BRPF3: variants seen among roughly 807,000 people sequenced by gnomAD.
BRPF3 encodes the protein bromodomain and PHD finger containing 3, also known as bromodomain and PHD finger-containing protein 3.
In BRPF3, 18 loss-of-function variants were observed where a neutral mutation model predicts 102.0. That is an observed-to-expected ratio of 0.18 (90% confidence interval 0.12 to 0.26). The LOEUF (loss-of-function observed/expected upper bound fraction) is 0.26. Among genes scored for constraint, BRPF3 ranks in the 10% least tolerant of loss-of-function variants. The pLI, the probability that BRPF3 is intolerant of heterozygous loss-of-function variation, is 1.00. For synonymous variants in BRPF3, 570 were observed against 614.2 expected (o/e 0.93, Z 1.06); for missense variants, 1,147 against 1,567.8 (o/e 0.73, Z 4.53).
intron 7 of BRPF3, among the ~76,000 whole-genome samples, chr6:36,212,572 GAA>G (rs1013260246): frequency 0.021 from 942 of 44,958 alleles, 5 homozygotes; most frequent in African/African-American, 0.052. Flanking sequence ...GCATCACCTA[GAA>G]AAAAAAAAAA....
rs763683553 is a variant in BRPF3 at position 36,211,414 on chromosome 6, G to A, written c.2336G>A (p.Arg779Gln). 6.8e-6 allele frequency: 11 copies of A among 1,612,978 alleles called. No individual in the cohort carries two copies. The highest frequency in any genetic ancestry group is 2.7e-5 in the African/African-American group (2 of 74,908). The change falls in exon 7 of 13, where the codon CGG (arginine) becomes CAG (glutamine). Residue 779 changes from arginine (R) to glutamine (Q), a missense_variant. Arg to Gln is a conservative substitution (Grantham distance 43). Coordinates refer to ENST00000357641, the MANE Select transcript of BRPF3 (RefSeq NM_015695.3). The part of the protein sequence containing the change: ...RLLRREINAL[R>Q]QKLAQPPPPQ... ...CTACGCCGGGAGATCAATGCCCTTC[G>A]GCAGAAGCTGGCACAGCCACCACCA...
intron 10 of BRPF3, among the ~76,000 whole-genome samples, chr6:36,222,587 G>A (rs1242524521): frequency 6.6e-6 from 1 of 152,150 alleles, no homozygotes; most frequent in Non-Finnish European, 1.5e-5. Flanking sequence ...CTTTCCAGAG[G>A]TAATCCATAT....
At position 36,204,655 on chromosome 6, in the gene BRPF3, A is replaced by G; in HGVS notation, c.1449-3A>G. On this transcript the variant is annotated splice_region_variant and splice_polypyrimidine_tract_variant and intron_variant, in intron 2 of 12. Transcript: ENST00000357641. ...CTTTCACTTCCGTGTGCCTCTACTC[A>G]AGGTTGAACAAGATCTGTAGTGGTC... is the stretch of plus-strand genomic sequence containing the variant. 2 of 1,614,154 alleles carry G rather than the reference A, an allele frequency of 1.2e-6. No individual in the cohort carries two copies. The highest frequency in any genetic ancestry group is 1.7e-6 in the Non-Finnish European group (2 of 1,180,012).
chr6:36,225,400 C>CAAGGCAAGGCAGGGGAGA, intron 11 of BRPF3, 36 bp downstream of exon 11: 1 of 1,572,604 alleles, frequency 6.4e-7, no homozygotes, highest in Non-Finnish European at 8.7e-7. Context: ...CCTATCTCCC[C>CAAGGCAAGGCAGGGGAGA]TGCCTTGCCT....
chr6:36,200,184 G>A lies in BRPF3; in HGVS notation c.-26-113G>A, dbSNP rs1409507511. Reference sequence around the variant, plus strand: ...AGCCATGTGGATGCCTGAGGGGCAAGTTGTTCAGACAGAGGGAAAAGCCAG... The same window carrying A: ...AGCCATGTGGATGCCTGAGGGGCAAATTGTTCAGACAGAGGGAAAAGCCAG... On this transcript the variant is annotated intron_variant, in intron 1 of 12. Transcript: ENST00000357641. The surrounding 1 kb of genome is among the most constrained non-coding windows in gnomAD (Gnocchi z 5.3). 2.6e-5 allele frequency: 35 copies of A among 1,324,368 alleles called. No homozygotes were observed. The highest frequency in any genetic ancestry group is 3.5e-5 in the Non-Finnish European group (35 of 1,004,010). 82.0% of individuals were successfully genotyped at this position (1,324,368 alleles called of 1,614,324 possible). A position where few individuals can be genotyped will look rare whatever the true frequency, so the allele number is the denominator to read the frequency against.
rs1175487011 is a variant in BRPF3, at chr6:36,231,948, A to T, written c.*1339A>T. The T allele has an allele frequency of 6.5e-6, 1 of 152,766 alleles. No homozygotes were observed. Among genetic ancestry groups the T allele is most frequent in the African/African-American group, 2.4e-5 (1 of 41,570 alleles). 9.5% of individuals were successfully genotyped at this position (152,766 alleles called of 1,614,324 possible). ...GGCCAGTTGCAGGCCGCTGATTGCC[A>T]TGTTGATTTTTAACCTGATATTCTT... On this transcript the variant is annotated 3_prime_UTR_variant, in exon 13 of 13. Transcript: ENST00000357641.
At chr6:36,198,515 CACTT>C (rs1239145811) in intron 1 of BRPF3, among the ~76,000 whole-genome samples, 1 of 152,194 alleles carries the variant, frequency 6.6e-6, no homozygotes, top group Non-Finnish European at 1.5e-5. Flanking sequence ...GTAGCGTTAT[CACTT>C]ACTAGCTTTA....
chr6:36,218,035 G>T, intron 9 of BRPF3, 25 bp downstream of exon 9: 3 of 1,595,500 alleles, frequency 1.9e-6, no homozygotes, highest in Non-Finnish European at 2.6e-6. Context: ...CCAAAGCTTT[G>T]TCAGCAGCTC....
chr6:36,228,862 GCCTC>G, intron 11 of BRPF3, 36 bp from the exon 12 acceptor site: 1 of 1,610,414 alleles, frequency 6.2e-7, no homozygotes, highest in Non-Finnish European at 8.5e-7. Context: ...GCTCACCCTG[GCCTC>G]CCTCACTGAG....
intron 1 of BRPF3, among the ~76,000 whole-genome samples, chr6:36,198,162 G>A (rs891859391): frequency 1.3e-5 from 2 of 152,192 alleles, no homozygotes; most frequent in Non-Finnish European, 2.9e-5. Flanking sequence ...TGTTTCCTTT[G>A]GCTCCAAATG....
At position 36,210,820 on chromosome 6, in the gene BRPF3, T is replaced by C. The variant is rs1197922475; in HGVS notation, c.2179+292T>C. Among the ~76,000 whole-genome samples, 1 of 152,214 alleles carries C rather than the reference T, an allele frequency of 6.6e-6. No individual in the cohort carries two copies. Among genetic ancestry groups the C allele is most frequent in the Non-Finnish European group, 1.5e-5 (1 of 68,026 alleles). ...GTCTTCCTCTCTTGGATCCCCTCTG[T>C]ATGGCATTGGAGCATGGGACAGGGA... is the stretch of plus-strand genomic sequence containing the variant. On this transcript the variant is annotated intron_variant, in intron 6 of 12. Coordinates refer to ENST00000357641, the MANE Select transcript of BRPF3 (RefSeq NM_015695.3). The surrounding 1 kb of genome is among the most constrained non-coding windows in gnomAD (Gnocchi z 4.7).
intron 9 of BRPF3, 21 bp from the exon 10 acceptor site, chr6:36,222,147 C>T: frequency 6.5e-7 from 1 of 1,549,830 alleles, no homozygotes. Flanking sequence ...TTTCACCCCT[C>T]TCTCCCTGCT....
intron 10 of BRPF3, among the ~76,000 whole-genome samples, 170 bp downstream of exon 10, chr6:36,222,435 T>C (rs79236400): frequency 5.5e-4 from 1 of 1,826 alleles, no homozygotes; most frequent in Non-Finnish European, 8.3e-4. Context: ...ATCATACTCT[T>C]TTTTTTTTTT....
chr6:36,225,959 C>T (rs1442198938), intron 11 of BRPF3, among the ~76,000 whole-genome samples: 1 of 152,152 alleles, frequency 6.6e-6, no homozygotes, highest in Non-Finnish European at 1.5e-5. Context: ...TGCTTTTAGC[C>T]TCCCTTTCAC....
chr6:36,225,474 T>A, intron 11 of BRPF3, 110 bp downstream of exon 11: 2 of 955,626 alleles, frequency 2.1e-6, no homozygotes, highest in Non-Finnish European at 3.1e-6. Flanking sequence ...TCTTTAGCTG[T>A]AGAGGGGAGG....
At chr6:36,216,462 A>C (rs1451926495) in intron 8 of BRPF3, among the ~76,000 whole-genome samples, 1 of 152,218 alleles carries the variant, frequency 6.6e-6, no homozygotes, top group Non-Finnish European at 1.5e-5. Context: ...ACTTCTATAC[A>C]ACCTTAGTTG....
Position 36,201,723 on chromosome 6 carries a change from A to G in BRPF3, c.1401A>G (p.Thr467=), listed in dbSNP as rs1385307825. 2 of 1,611,656 alleles carry G rather than the reference A, an allele frequency of 1.2e-6. No homozygotes were observed. The highest frequency in any genetic ancestry group is 2.2e-5 in the South Asian group (2 of 90,682). The part of the protein sequence containing the change: ...KKEPEEAGQD[T]PSTLPMLAVP... ...AGCCAGAGGAAGCAGGCCAAGACAC[A>G]CCCTCCACTCTCCCCATGCTTGCTG... Residue 467 remains threonine, a synonymous_variant, in exon 2 of 13, where the codon ACA becomes ACG. Coordinates refer to ENST00000357641, the MANE Select transcript of BRPF3 (RefSeq NM_015695.3). This position sits in a 1 kb window ranked among gnomAD's most constrained non-coding sequence, Gnocchi z 5.1.
intron 11 of BRPF3, among the ~76,000 whole-genome samples, chr6:36,226,225 C>G (rs891337150): frequency 2.0e-4 from 31 of 152,178 alleles, no homozygotes; most frequent in Non-Finnish European, 1.0e-4. Flanking sequence ...GGGGCAAAGT[C>G]TATGCAGAAT....
intron 10 of BRPF3, among the ~76,000 whole-genome samples, chr6:36,223,937 A>G (rs1193447654): frequency 6.6e-6 from 1 of 152,222 alleles, no homozygotes; most frequent in Admixed American, 6.5e-5. Context: ...CTGTAATTGC[A>G]TCAGTAGTAT....
Sources: gnomAD v4.1 joint callset for allele counts (sites outside exome capture counted in the v4.1 genomes callset) on GRCh38, gnomAD v4.1.1 for gene constraint, Gnocchi (gnomAD v3.1) non-coding constraint, MANE v1.5 for transcripts, NCBI Gene and HGNC (gene_info 2026-07-23, HGNC 2026-07-21) for gene names.